Variants in AKAP9 observed in about 807,000 individuals in gnomAD.
The protein encoded by AKAP9 is A-kinase anchor protein 9.
Under a neutral mutation model 488.5 loss-of-function variants are expected in AKAP9, and 311 were observed. That is an observed-to-expected ratio of 0.64 (90% confidence interval 0.58 to 0.70). AKAP9 has a LOEUF of 0.70. AKAP9 is among the 30% of genes least tolerant of loss of function. The pLI is 0.00. For missense variants in AKAP9, 4,215 were observed against 4,374.5 expected, an observed-to-expected ratio of 0.96 and a Z score of 1.03; for synonymous variants, 1,462 against 1,483.5, an observed-to-expected ratio of 0.99 and a Z score of 0.33.
In AKAP9 at chr7:92,083,781, G is replaced by A. The variant is rs1444204902; in HGVS notation, c.8646+126G>A. On this transcript the variant is annotated intron_variant, in intron 33 of 49. Coordinates refer to ENST00000356239, the MANE Select transcript of AKAP9 (RefSeq NM_005751.5). ...TCATTAAGGCACTTGATCTTTCTAAGTAGGTGTATTATCAAGGCAAGTTTT... is the reference window on the plus strand; with the variant it reads ...TCATTAAGGCACTTGATCTTTCTAAATAGGTGTATTATCAAGGCAAGTTTT... 9.1e-6 allele frequency: 9 copies of A among 988,792 alleles called. No individual in the cohort carries two copies. In the South Asian group the frequency reaches 1.4e-4, roughly 16 times the overall value. 61.3% of individuals were successfully genotyped at this position (988,792 alleles called of 1,614,324 possible). A position where few individuals can be genotyped will look rare whatever the true frequency, so the allele number is the denominator to read the frequency against.
intron 12 of AKAP9, among the ~76,000 whole-genome samples, chr7:92,019,643 A>G (rs1391711780): frequency 6.7e-6 from 1 of 149,990 alleles, no homozygotes; most frequent in Non-Finnish European, 1.5e-5. Flanking sequence ...TATTTTACAT[A>G]TATATATATA....
At chr7:91,953,553 C>G (rs1792548132) in intron 1 of AKAP9, among the ~76,000 whole-genome samples, 1 of 152,106 alleles carries the variant, frequency 6.6e-6, no homozygotes. Context: ...TGAGGATTCA[C>G]TAATAAGTCT....
chr7:92,059,683 AT>A (rs2130818067), intron 22 of AKAP9, among the ~76,000 whole-genome samples: 1 of 150,180 alleles, frequency 6.7e-6, no homozygotes, highest in African/African-American at 2.5e-5. Flanking sequence ...CTAGATAGTC[AT>A]TATGTAATGA....
intron 14 of AKAP9, among the ~76,000 whole-genome samples, chr7:92,024,147 C>T (rs1407101491): frequency 2.0e-5 from 3 of 151,590 alleles, no homozygotes; most frequent in South Asian, 2.1e-4. Flanking sequence ...CGTGGTGGCT[C>T]ATGCCTGTAA....
At chr7:92,072,416 TGAGAG>T (rs1811865566) in intron 28 of AKAP9, among the ~76,000 whole-genome samples, 1 of 152,214 alleles carries the variant, frequency 6.6e-6, no homozygotes, top group South Asian at 2.1e-4. Flanking sequence ...AACTGGAGAC[TGAGAG>T]GCAGGAACAT....
Position 92,012,608 on chromosome 7 carries a change from G to A in AKAP9, c.3498G>A (p.Gln1166=), listed in dbSNP as rs1247869819. Residue 1166 remains glutamine (Q), a synonymous_variant, in exon 9 of 50, where the codon CAG becomes CAA. Coordinates refer to ENST00000356239, the MANE Select transcript of AKAP9 (RefSeq NM_005751.5). ...EKIKELQKIH[Q]LELQTMKTQE... is the part of the protein sequence containing the mutation. ...TCAAGGAACTTCAGAAAATACACCA[G>A]TTAGAACTACAGACTATGAAAACAC... The A allele has an allele frequency of 6.2e-7, 1 of 1,613,188 alleles. No homozygotes were observed. The highest frequency in any genetic ancestry group is 1.3e-5 in the African/African-American group (1 of 74,888).
chr7:92,100,898 A>G lies in AKAP9; in HGVS notation c.10939A>G (p.Ile3647Val), dbSNP rs184134556. 1 of 1,614,196 alleles carries G rather than the reference A, an allele frequency of 6.2e-7. No homozygotes were observed. Among genetic ancestry groups the G allele is most frequent in the African/African-American group, 1.3e-5 (1 of 75,048 alleles). The change falls in exon 45 of 50, where the codon ATC becomes GTC. Residue 3647 changes from isoleucine (I) to valine (V), a missense_variant. Physicochemically the swap from Ile to Val is conservative, Grantham distance 29. Transcript: ENST00000356239. ...GAATGGTGGTGCCAACATTGAAGCCATCATTGCCTCTGAAAAAGAAGTATG... is the reference window on the plus strand; with the variant it reads ...GAATGGTGGTGCCAACATTGAAGCCGTCATTGCCTCTGAAAAAGAAGTATG... ...SLNGGANIEA[I>V]IASEKEVWNR...
chr7:92,022,772 T>G (rs1802502969), intron 13 of AKAP9, 42 bp from the exon 14 acceptor site: 2 of 1,311,344 alleles, frequency 1.5e-6, no homozygotes, highest in Admixed American at 1.9e-5. Flanking sequence ...ACTAAGAAAC[T>G]TATATTGAAA....
chr7:92,100,779 C>G (rs1817400364), intron 44 of AKAP9, 77 bp from the exon 45 acceptor site: 2 of 1,527,832 alleles, frequency 1.3e-6, no homozygotes, highest in Non-Finnish European at 1.8e-6. Flanking sequence ...ACTGCATCAT[C>G]ATGCAGATAT....
chr7:91,946,395 C>CT (rs11443810), intron 1 of AKAP9, among the ~76,000 whole-genome samples: 92,434 of 145,366 alleles, frequency 0.64, 29,495 homozygotes, highest in East Asian at 0.82. Context: ...AACCTTCAGG[C>CT]TTTTTTTTTT....
chr7:92,036,646 G>C (rs1018009519), intron 16 of AKAP9, among the ~76,000 whole-genome samples: 4 of 151,858 alleles, frequency 2.6e-5, no homozygotes, highest in Non-Finnish European at 5.9e-5. Context: ...TCATATCTCT[G>C]TTCTTCTCTT....
intron 14 of AKAP9, among the ~76,000 whole-genome samples, chr7:92,025,926 G>A (rs1251161868): frequency 1.3e-5 from 2 of 152,170 alleles, no homozygotes; most frequent in Non-Finnish European, 2.9e-5. Flanking sequence ...GTAATGGTTG[G>A]GGAATATAAC....
At chr7:92,022,532 C>G (rs1562997164) in intron 13 of AKAP9, among the ~76,000 whole-genome samples, 180 bp downstream of exon 13, 1 of 151,958 alleles carries the variant, frequency 6.6e-6, no homozygotes, top group Non-Finnish European at 1.5e-5. Flanking sequence ...TGGTCCTTTC[C>G]CCCTTCTTAT....
At chr7:92,094,957 T>TC in intron 39 of AKAP9, 66 bp from the exon 40 acceptor site, 1 of 1,492,854 alleles carries the variant, frequency 6.7e-7, no homozygotes, top group Non-Finnish European at 9.3e-7. Context: ...GAAGCTGTTT[T>TC]TCTCTCTCTC....
At chr7:92,019,301 C>T (rs1021270987) in intron 12 of AKAP9, among the ~76,000 whole-genome samples, 1 of 151,910 alleles carries the variant, frequency 6.6e-6, no homozygotes, top group African/African-American at 2.4e-5. Flanking sequence ...TCCACCACAC[C>T]CGGCTAATTT....
chr7:92,028,196 T>C (rs540084403), intron 14 of AKAP9, among the ~76,000 whole-genome samples: 53 of 149,612 alleles, frequency 3.5e-4, no homozygotes, highest in Admixed American at 2.9e-3. Flanking sequence ...CCAGAGACCT[T>C]TGTTCACGTG....
intron 21 of AKAP9, among the ~76,000 whole-genome samples, chr7:92,051,172 T>C (rs1807915417): frequency 6.6e-6 from 1 of 152,194 alleles, no homozygotes; most frequent in South Asian, 2.1e-4. Flanking sequence ...TTCTTTTAGC[T>C]CTCTCACCTA....
intron 12 of AKAP9, among the ~76,000 whole-genome samples, chr7:92,021,979 T>G (rs893612195): frequency 1.3e-5 from 2 of 152,314 alleles, no homozygotes; most frequent in East Asian, 3.9e-4. Context: ...AAGCACTTGT[T>G]TTTGTAGTAA....
chr7:92,017,426 C>T (rs1801670467), intron 12 of AKAP9, among the ~76,000 whole-genome samples: 1 of 151,970 alleles, frequency 6.6e-6, no homozygotes, highest in Non-Finnish European at 1.5e-5. Context: ...TTAGAGAAAA[C>T]TGGTAATGAG....
Sources: allele counts gnomAD v4.1 joint callset (sites outside exome capture counted in the v4.1 genomes callset), GRCh38; gene constraint gnomAD v4.1.1; transcripts MANE v1.5; gene names NCBI Gene and HGNC (gene_info 2026-07-23, HGNC 2026-07-21).